The following GNAL variants were observed in gnomAD, a reference collection of about 807,000 sequenced individuals.
The protein encoded by GNAL is guanine nucleotide-binding protein G(olf) subunit alpha.
Under a neutral mutation model 55.1 loss-of-function variants are expected in GNAL, and 18 were observed. The ratio of observed to expected loss-of-function variants is 0.33; its 90% confidence interval spans 0.23 to 0.48. The LOEUF is 0.48. Ranked by LOEUF, GNAL falls within the 20% of genes least tolerant of loss-of-function variation. The probability of loss-of-function intolerance (pLI) is 0.99; values close to 1 mark genes in which losing one functional copy is unlikely to be tolerated. For synonymous variants in GNAL, 253 were observed against 237.0 expected (o/e 1.07, Z -0.62); for missense variants, 412 against 614.1 (o/e 0.67, Z 3.48).
At chr18:11,851,258 G>T (rs149773455) in intron 5 of GNAL, 145 of 464,932 alleles carry the variant, frequency 3.1e-4, no homozygotes, top group African/African-American at 2.5e-3. Flanking sequence ...CGCAGCGCCG[G>T]AGCGTCCAGC....
In GNAL at chr18:11,884,472, GT is replaced by G. The variant is rs1334657064; in HGVS notation, c.*3339del. The G allele has an allele frequency of 1.2e-6, 2 of 1,613,990 alleles. No individual in the cohort carries two copies. Among genetic ancestry groups the G allele is most frequent in the Admixed American group, 1.7e-5 (1 of 59,986 alleles). On this transcript the variant is annotated 3_prime_UTR_variant, in exon 12 of 12. Transcript: ENST00000334049. ...ATCTTGTCTTACGCTTTCCGAGCAA[GT>G]TCAAACCAGAAAGAAAAGGTGAGGC...
chr18:11,697,451 AG>A (rs2031446221), intron 1 of GNAL, among the ~76,000 whole-genome samples: 2 of 152,030 alleles, frequency 1.3e-5, no homozygotes, highest in African/African-American at 2.4e-5. Context: ...CCAGCTTCTC[AG>A]GAGGCTAAGG....
At chr18:11,819,291 G>A (rs2035034589) in intron 4 of GNAL, among the ~76,000 whole-genome samples, 1 of 152,088 alleles carries the variant, frequency 6.6e-6, no homozygotes, top group Non-Finnish European at 1.5e-5. Flanking sequence ...TGTTATCTTT[G>A]AGTATACTTT....
intron 1 of GNAL, among the ~76,000 whole-genome samples, chr18:11,730,697 G>A (rs1568001416): frequency 1.3e-5 from 2 of 152,018 alleles, no homozygotes; most frequent in African/African-American, 4.8e-5. Context: ...ACAGGAGGTG[G>A]AGGTTACAGT....
intron 1 of GNAL, among the ~76,000 whole-genome samples, chr18:11,742,062 TTCTAC>T (rs1050964897): frequency 2.0e-5 from 3 of 152,174 alleles, no homozygotes; most frequent in African/African-American, 7.2e-5. Flanking sequence ...GATACCACCA[TTCTAC>T]TTTCTGTCTC....
chr18:11,851,401 A>G, intron 5 of GNAL: 1 of 1,322,184 alleles, frequency 7.6e-7, no homozygotes, highest in Non-Finnish European at 1.0e-6. Flanking sequence ...CAGTAGAAAC[A>G]GGAAGTGGGA....
rs559415228 is a variant in GNAL, at chr18:11,751,657, C to T, written c.377-1196C>T. On this transcript the variant is annotated intron_variant, in intron 1 of 11. Transcript: ENST00000334049. This position sits in a 1 kb window ranked among gnomAD's most constrained non-coding sequence, Gnocchi z 4.5. ...CTCGGGGTGCAAGAGAGCCAGGCGG[C>T]CGCGGCGCAGCGGAGGGGCTGCGGG... The T allele has an allele frequency of 2.1e-3, 2,033 of 985,444 alleles. 3 individuals are homozygous for T. Among genetic ancestry groups the T allele is most frequent in the Non-Finnish European group, 2.4e-3 (1,958 of 829,934 alleles). 61.0% of individuals were successfully genotyped at this position (985,444 alleles called of 1,614,324 possible). A position where few individuals can be genotyped will look rare whatever the true frequency, so the allele number is the denominator to read the frequency against.
chr18:11,739,924 C>T (rs1339145468), intron 1 of GNAL, among the ~76,000 whole-genome samples: 6 of 151,940 alleles, frequency 3.9e-5, no homozygotes, highest in African/African-American at 9.7e-5. Context: ...TCCTGCTCCT[C>T]GTTAAAACCT....
chr18:11,828,199 C>G (rs1239323767), intron 5 of GNAL, among the ~76,000 whole-genome samples: 1 of 152,094 alleles, frequency 6.6e-6, no homozygotes, highest in Non-Finnish European at 1.5e-5. Flanking sequence ...TCCTCTTACT[C>G]TCACTCACTC....
chr18:11,885,097 T>C lies in GNAL; in HGVS notation c.*3962T>C. ...CATGGGCTTTTCTTTGCAGATACTT[T>C]TATGTGGAACAACAGTGGCAAATGT... On this transcript the variant is annotated 3_prime_UTR_variant, in exon 12 of 12. Transcript: ENST00000334049. 4 of 1,229,970 alleles carry C rather than the reference T, an allele frequency of 3.3e-6. No homozygotes were observed. Among genetic ancestry groups the C allele is most frequent in the Non-Finnish European group, 4.2e-6 (4 of 949,862 alleles). The allele number at this position is 1,229,970 out of a possible 1,614,324, so 76.2% of individuals were successfully genotyped here. A position where few individuals can be genotyped will look rare whatever the true frequency, so the allele number is the denominator to read the frequency against.
chr18:11,714,033 G>A (rs1264524648), intron 1 of GNAL, among the ~76,000 whole-genome samples: 1 of 152,232 alleles, frequency 6.6e-6, no homozygotes, highest in East Asian at 1.9e-4. Flanking sequence ...CTTCAGAGTC[G>A]TGGGATTCTC....
intron 4 of GNAL, among the ~76,000 whole-genome samples, chr18:11,778,052 C>G (rs193293636): frequency 6.6e-6 from 1 of 152,214 alleles, no homozygotes; most frequent in African/African-American, 2.4e-5. Flanking sequence ...TGGCATCACT[C>G]GCTTTCCCCT....
intron 1 of GNAL, among the ~76,000 whole-genome samples, chr18:11,739,541 A>G (rs1192881925): frequency 6.6e-6 from 1 of 151,738 alleles, no homozygotes; most frequent in African/African-American, 2.4e-5. Context: ...CGGCCCCTCT[A>G]TGTGTTCTCC....
chr18:11,820,587 G>T (rs2035066303), intron 4 of GNAL, among the ~76,000 whole-genome samples: 1 of 152,142 alleles, frequency 6.6e-6, no homozygotes, highest in South Asian at 2.1e-4. Context: ...AAAGAAATTG[G>T]CCATGTGTTG....
chr18:11,781,128 G>A (rs1012073449), intron 4 of GNAL, among the ~76,000 whole-genome samples: 1 of 152,160 alleles, frequency 6.6e-6, no homozygotes, highest in Non-Finnish European at 1.5e-5. Flanking sequence ...TTCAAATTAA[G>A]ACTTTAAATA....
At chr18:11,854,975 T>A (rs528383623) in intron 5 of GNAL, among the ~76,000 whole-genome samples, 1 of 152,186 alleles carries the variant, frequency 6.6e-6, no homozygotes, top group African/African-American at 2.4e-5. Context: ...CAGGCTGAAG[T>A]GCCACCACGA....
chr18:11,840,611 G>A (rs1333745050), intron 5 of GNAL, among the ~76,000 whole-genome samples: 1 of 152,154 alleles, frequency 6.6e-6, no homozygotes, highest in Admixed American at 6.5e-5. Context: ...TCTTTATCTA[G>A]GAGTCCTCAG....
chr18:11,838,841 A>G (rs1419154684), intron 5 of GNAL, among the ~76,000 whole-genome samples: 1 of 152,238 alleles, frequency 6.6e-6, no homozygotes, highest in East Asian at 1.9e-4. Flanking sequence ...ACTGATTCAA[A>G]ATACAGTACC....
intron 4 of GNAL, among the ~76,000 whole-genome samples, chr18:11,813,905 A>AT (rs1279192489): frequency 7.2e-5 from 11 of 152,112 alleles, no homozygotes; most frequent in African/African-American, 2.7e-4. Flanking sequence ...TTAAAAAAAA[A>AT]TTTTAACAGA....
Sources: allele counts gnomAD v4.1 joint callset (sites outside exome capture counted in the v4.1 genomes callset), GRCh38; gene constraint gnomAD v4.1.1; non-coding constraint Gnocchi (gnomAD v3.1); transcripts MANE v1.5; gene names NCBI Gene and HGNC (gene_info 2026-07-23, HGNC 2026-07-21).